Variants in TRAPPC10 observed in about 807,000 individuals in gnomAD.
The protein encoded by TRAPPC10 is trafficking protein particle complex subunit 10, also known as TRAPP 130 kDa subunit.
Under a neutral mutation model 125.5 loss-of-function variants are expected in TRAPPC10, and 23 were observed. The observed-to-expected ratio is 0.18, with a 90% CI of 0.13 to 0.26. The LOEUF (loss-of-function observed/expected upper bound fraction) is 0.26, where lower values mean the gene tolerates loss of function less well. Among genes scored for constraint, TRAPPC10 ranks in the 10% least tolerant of loss-of-function variants. TRAPPC10 has a pLI of 1.00. For synonymous variants in TRAPPC10, 509 were observed against 518.0 expected (o/e 0.98, Z 0.24); for missense variants, 1,123 against 1,308.4 (o/e 0.86, Z 2.19).
chr21:44,025,767 A>G (rs1007009140), intron 1 of TRAPPC10, among the ~76,000 whole-genome samples: 2 of 151,546 alleles, frequency 1.3e-5, no homozygotes, highest in Non-Finnish European at 2.9e-5. Flanking sequence ...CCCCACCTAC[A>G]GTGGGTAGTA....
At chr21:44,094,625 G>A (rs1000437672) in intron 20 of TRAPPC10, among the ~76,000 whole-genome samples, 7 of 152,024 alleles carry the variant, frequency 4.6e-5, no homozygotes, top group African/African-American at 1.4e-4. Flanking sequence ...AAGAAAAGCT[G>A]AAAACATATG....
chr21:44,056,285 G>A lies in TRAPPC10; in HGVS notation c.678+392G>A, dbSNP rs139092852. On this transcript the variant is annotated intron_variant, in intron 5 of 22. Coordinates refer to ENST00000291574, the MANE Select transcript of TRAPPC10 (RefSeq NM_003274.5). ...CCATACAGAAGAATTCCACTTAAAC[G>A]CAGAAGGAAAGAAAAACAGAAAATC... Among the ~76,000 whole-genome samples the A allele has an allele frequency of 2.4e-4, 36 of 152,266 alleles. No homozygotes were observed. In the East Asian group the frequency reaches 2.7e-3, roughly 11 times the overall value.
chr21:44,032,972 G>A (rs1376396996), intron 2 of TRAPPC10, among the ~76,000 whole-genome samples: 1 of 152,168 alleles, frequency 6.6e-6, no homozygotes, highest in African/African-American at 2.4e-5. Context: ...TTAGGAGCGA[G>A]GTTAGATCAG....
chr21:44,090,035 C>A, intron 18 of TRAPPC10, 102 bp downstream of exon 18: 1 of 803,794 alleles, frequency 1.2e-6, no homozygotes, highest in Admixed American at 2.3e-5. Context: ...CCAAGGATGT[C>A]TTCTTATGTG....
intron 1 of TRAPPC10, among the ~76,000 whole-genome samples, chr21:44,018,977 C>A (rs1192544515): frequency 6.6e-6 from 1 of 152,176 alleles, no homozygotes; most frequent in African/African-American, 2.4e-5. Context: ...TCTCCAAGTA[C>A]TGACCCTCCC....
chr21:44,074,512 C>A, intron 8 of TRAPPC10, 42 bp downstream of exon 8: 2 of 1,611,338 alleles, frequency 1.2e-6, no homozygotes, highest in Non-Finnish European at 1.7e-6. Flanking sequence ...GTTGTCTCTG[C>A]GGCCATGCCT....
At chr21:44,040,519 G>T (rs2034337640) in intron 3 of TRAPPC10, among the ~76,000 whole-genome samples, 1 of 152,080 alleles carries the variant, frequency 6.6e-6, no homozygotes, top group East Asian at 1.9e-4. Context: ...TGTATTTTCT[G>T]TAGAGATAGG....
chr21:44,063,221 C>A lies in TRAPPC10; in HGVS notation c.791-317C>A. Reference sequence around the variant, plus strand: ...GCAGCCTAAGACTAGAGCCCTCCCTCGGCCTGAGACAGAGCCTGAGCTCCC... The same window carrying A: ...GCAGCCTAAGACTAGAGCCCTCCCTAGGCCTGAGACAGAGCCTGAGCTCCC... On this transcript the variant is annotated intron_variant, in intron 6 of 22. Transcript: ENST00000291574. The surrounding 1 kb of genome is among the most constrained non-coding windows in gnomAD (Gnocchi z 4.4). 1 of 1,259,930 alleles carries A rather than the reference C, an allele frequency of 7.9e-7. No individual in the cohort carries two copies. Among genetic ancestry groups the A allele is most frequent in the Non-Finnish European group, 1.0e-6 (1 of 985,204 alleles). The allele number at this position is 1,259,930 out of a possible 1,614,324, so 78.0% of individuals were successfully genotyped here.
rs562298152 is a variant in TRAPPC10, at chr21:44,062,264, G to T, written c.791-1274G>T. On this transcript the variant is annotated intron_variant, in intron 6 of 22. Transcript: ENST00000291574. Reference sequence around the variant, plus strand: ...TTCATTCAACAAATACTTACTGAGGGACCACCATGTGCCAGGCACTGTTCT... The same window carrying T: ...TTCATTCAACAAATACTTACTGAGGTACCACCATGTGCCAGGCACTGTTCT... 4.6e-5 allele frequency among the ~76,000 whole-genome samples: 7 copies of T among 152,326 alleles called. No individual in the cohort carries two copies. The East Asian group carries it at 1.3e-3, about 29-fold the overall frequency.
chr21:44,025,401 A>G (rs143683159), intron 1 of TRAPPC10, among the ~76,000 whole-genome samples: 362 of 152,366 alleles, frequency 2.4e-3, no homozygotes, highest in African/African-American at 8.2e-3. Context: ...TAAATACAGT[A>G]CTGTGGTTCA....
chr21:44,024,702 T>G (rs1037149225), intron 1 of TRAPPC10, among the ~76,000 whole-genome samples: 4 of 152,220 alleles, frequency 2.6e-5, no homozygotes, highest in Admixed American at 1.3e-4. Context: ...TTTTTCCTGA[T>G]TATTTTTAGG....
chr21:44,025,887 G>A (rs905618647), intron 1 of TRAPPC10, among the ~76,000 whole-genome samples: 4 of 145,474 alleles, frequency 2.7e-5, no homozygotes, highest in African/African-American at 7.7e-5. Context: ...TGTGTCAGAG[G>A]GAAGGTAGAG....
In TRAPPC10 at chr21:44,087,772, T is replaced by C. The variant is rs757260495; in HGVS notation, c.2613T>C (p.Pro871=). ...KVTSISLPVA[P]AYHVIEFELE... is the part of the protein sequence containing the mutation. ...CGAGCATCAGTCTGCCTGTTGCGCC[T>C]GCGTACCACGTGATCGAATTTGAAC... is the stretch of plus-strand genomic sequence containing the variant. Residue 871 remains proline (P), a synonymous_variant, in exon 17 of 23, where the codon CCT becomes CCC. Transcript: ENST00000291574. The surrounding 1 kb of genome is among the most constrained non-coding windows in gnomAD (Gnocchi z 4.6). 3 of 1,614,228 alleles carry C rather than the reference T, an allele frequency of 1.9e-6. No individual in the cohort carries two copies. Among genetic ancestry groups the C allele is most frequent in the East Asian group, 2.2e-5 (1 of 44,884 alleles).
Position 44,083,297 on chromosome 21 carries a change from A to T in TRAPPC10, c.2233A>T (p.Thr745Ser). ...AGGGGCCAACCAGATAACATTCAGG[A>T]CTCAGGTATGCGTTCAGGGTGGGAA... ...EPGANQITFRTQAKEPGTYTL... is the reference protein window; with the variant it reads ...EPGANQITFRSQAKEPGTYTL... Residue 745 changes from threonine (T) to serine (S), a missense_variant, in exon 14 of 23, where the codon ACT becomes TCT. By Grantham distance (58) the Thr-to-Ser change is moderately conservative. Coordinates refer to ENST00000291574, the MANE Select transcript of TRAPPC10 (RefSeq NM_003274.5). 1.9e-6 allele frequency: 3 copies of T among 1,612,984 alleles called. No individual in the cohort carries two copies. Among genetic ancestry groups the T allele is most frequent in the Non-Finnish European group, 2.5e-6 (3 of 1,179,358 alleles).
chr21:44,046,126 A>T (rs1285671600), intron 3 of TRAPPC10, among the ~76,000 whole-genome samples: 1 of 152,212 alleles, frequency 6.6e-6, no homozygotes, highest in African/African-American at 2.4e-5. Context: ...CTGCTTCAGA[A>T]TCAATAGCTT....
At chr21:44,041,186 G>A (rs901909013) in intron 3 of TRAPPC10, among the ~76,000 whole-genome samples, 2 of 152,074 alleles carry the variant, frequency 1.3e-5, no homozygotes, top group African/African-American at 2.4e-5. Flanking sequence ...TAGCACTGGC[G>A]CTACCTGGTC....
chr21:44,016,904 C>G (rs2031924875), intron 1 of TRAPPC10, among the ~76,000 whole-genome samples: 1 of 152,214 alleles, frequency 6.6e-6, no homozygotes, highest in Non-Finnish European at 1.5e-5. Flanking sequence ...ATCTGCCCGC[C>G]TCAGCCTCCC....
intron 15 of TRAPPC10, among the ~76,000 whole-genome samples, chr21:44,085,774 A>G (rs1415613221): frequency 1.3e-5 from 2 of 152,158 alleles, no homozygotes; most frequent in African/African-American, 4.8e-5. Context: ...GGCATTTGAG[A>G]AATTCAAAGC....
chr21:44,057,237 G>T (rs896938989), intron 5 of TRAPPC10, among the ~76,000 whole-genome samples: 3 of 152,080 alleles, frequency 2.0e-5, no homozygotes, highest in African/African-American at 7.2e-5. Context: ...GAAAGTTTGG[G>T]ATATTGGTTG....
Sources: allele counts gnomAD v4.1 joint callset (sites outside exome capture counted in the v4.1 genomes callset), GRCh38; gene constraint gnomAD v4.1.1; non-coding constraint Gnocchi (gnomAD v3.1); transcripts MANE v1.5; gene names NCBI Gene and HGNC (gene_info 2026-07-23, HGNC 2026-07-21).